SPRR5: variants seen among roughly 807,000 people sequenced by gnomAD.
SPRR5 encodes small proline rich protein 5, also known as small proline-rich protein 5.
chr1:152,947,760 C>T (rs1439738541), intron 1 of SPRR5, among the ~76,000 whole-genome samples: 1 of 152,126 alleles, frequency 6.6e-6, no homozygotes, highest in Non-Finnish European at 1.5e-5. Context: ...CCATCTATGC[C>T]GAGTGGCTTT....
At chr1:152,948,377 TGC>T (rs1356494917) in intron 1 of SPRR5, among the ~76,000 whole-genome samples, 158 bp from the exon 2 acceptor site, 5 of 138,566 alleles carry the variant, frequency 3.6e-5, no homozygotes, top group Non-Finnish European at 4.4e-5. Context: ...AGTTTACACA[TGC>T]GCGCGCGCAC....
chr1:152,947,663 A>G (rs1557874375), intron 1 of SPRR5, among the ~76,000 whole-genome samples: 2 of 152,140 alleles, frequency 1.3e-5, no homozygotes, highest in African/African-American at 4.8e-5. Flanking sequence ...AGAGTTGTGG[A>G]TGTCCATGGA....
At chr1:152,948,306 C>T (rs917833477) in intron 1 of SPRR5, among the ~76,000 whole-genome samples, 5 of 151,442 alleles carry the variant, frequency 3.3e-5, no homozygotes, top group Admixed American at 6.6e-5. Flanking sequence ...CCTTTCCTAT[C>T]TTTCCTTCCT....
intron 1 of SPRR5, among the ~76,000 whole-genome samples, 153 bp from the exon 2 acceptor site, chr1:152,948,384 G>GCACACACACACACACACA (rs1352245363): frequency 8.6e-5 from 12 of 139,302 alleles, no homozygotes; most frequent in African/African-American, 3.3e-4. Context: ...ACATGCGCGC[G>GCACACACACACACACACA]CGCACACACA....
intron 1 of SPRR5, among the ~76,000 whole-genome samples, chr1:152,948,002 G>A (rs572684430): frequency 1.4e-4 from 22 of 152,220 alleles, no homozygotes; most frequent in Middle Eastern, 3.4e-3. Context: ...ACATACCTAC[G>A]TATGCATGCA....
chr1:152,948,231 T>C (rs73008585), intron 1 of SPRR5, among the ~76,000 whole-genome samples: 1,998 of 152,192 alleles, frequency 0.013, 44 homozygotes, highest in African/African-American at 0.045. Context: ...CTCTCTCCCT[T>C]TTCTTTTTTT....
In SPRR5 at chr1:152,948,886, T is replaced by C. The variant is rs1570933255; in HGVS notation, c.*5T>C. ...CAGACGTCCAAGCAGAAGTAAGCCC[T>C]GGGCATGTGATCAGAGGCGAACCCC... On this transcript the variant is annotated 3_prime_UTR_variant, in exon 2 of 2. Coordinates refer to ENST00000636302, the Ensembl canonical transcript of SPRR5. 8 of 188,414 alleles carry C rather than the reference T, an allele frequency of 4.2e-5. 1 individual carries two copies. In the East Asian group the frequency reaches 8.5e-4, roughly 20 times the overall value. 11.7% of individuals were successfully genotyped at this position (188,414 alleles called of 1,614,324 possible). A position where few individuals can be genotyped will look rare whatever the true frequency, so the allele number is the denominator to read the frequency against.
chr1:152,948,831 GCCC>G (rs1433745115), exon 2 of SPRR5: 5 of 229,726 alleles, frequency 2.2e-5, no homozygotes, highest in Non-Finnish European at 3.9e-5. Flanking sequence ...GGAGCCCTGT[GCCC>G]CCAAGTGCCC....
At chr1:152,948,378 G>A (rs1358103766) in intron 1 of SPRR5, among the ~76,000 whole-genome samples, 159 bp from the exon 2 acceptor site, 1 of 137,240 alleles carries the variant, frequency 7.3e-6, no homozygotes, top group Non-Finnish European at 1.5e-5. Context: ...GTTTACACAT[G>A]CGCGCGCGCA....
intron 1 of SPRR5, among the ~76,000 whole-genome samples, chr1:152,948,187 A>G (rs71626740): frequency 0.052 from 7,981 of 152,134 alleles, 300 homozygotes; most frequent in Middle Eastern, 0.11. Flanking sequence ...AGGATACAAC[A>G]GTCTGCTCTT....
At chr1:152,948,306 CT>C (rs1557874557) in intron 1 of SPRR5, among the ~76,000 whole-genome samples, 1 of 151,326 alleles carries the variant, frequency 6.6e-6, no homozygotes, top group Non-Finnish European at 1.5e-5. Context: ...CCTTTCCTAT[CT>C]TTCCTTCCTT....
intron 1 of SPRR5, among the ~76,000 whole-genome samples, chr1:152,947,581 C>A (rs556723306): frequency 1.8e-4 from 27 of 152,148 alleles, no homozygotes; most frequent in African/African-American, 5.8e-4. Flanking sequence ...CTGGGCAGAG[C>A]AACTGGAAGG....
intron 1 of SPRR5, 21 bp from the exon 2 acceptor site, chr1:152,948,516 T>A: frequency 3.2e-6 from 1 of 314,094 alleles, no homozygotes; most frequent in Non-Finnish European, 5.9e-6. Context: ...GTTCCTCATT[T>A]CTGTGTCTTT....
chr1:152,948,931 A>C (rs1451193974), exon 2 of SPRR5: 1 of 203,608 alleles, frequency 4.9e-6, no homozygotes, highest in Non-Finnish European at 1.0e-5. Flanking sequence ...CAGAGCATGA[A>C]GTTCCTTCTG....
At chr1:152,947,551 T>C (rs1301742423) in intron 1 of SPRR5, among the ~76,000 whole-genome samples, 1 of 151,900 alleles carries the variant, frequency 6.6e-6, no homozygotes, top group Admixed American at 6.6e-5. Context: ...AGGGAATTAG[T>C]AGGAGAGGAG....
Position 152,947,689 on chromosome 1 carries a change from G to A in SPRR5, c.-19+441G>A, listed in dbSNP as rs145910849. Among the ~76,000 whole-genome samples, 164 of 152,280 alleles carry A rather than the reference G, an allele frequency of 1.1e-3. 1 individual carries two copies. The East Asian group carries it at 0.031, about 29-fold the overall frequency. ...TGTCCATGGAGCAAAGGGCTGCAGG[G>A]ACAAGACGATGTGGCACCATGGAAG... On this transcript the variant is annotated intron_variant, in intron 1 of 1. Transcript: ENST00000636302.
chr1:152,948,885 C>T, exon 2 of SPRR5: 1 of 231,704 alleles, frequency 4.3e-6, no homozygotes, highest in Non-Finnish European at 8.4e-6. Flanking sequence ...GAAGTAAGCC[C>T]TGGGCATGTG....
chr1:152,947,692 A>G (rs1174752778), intron 1 of SPRR5, among the ~76,000 whole-genome samples: 1 of 152,186 alleles, frequency 6.6e-6, no homozygotes, highest in African/African-American at 2.4e-5. Context: ...CTGCAGGGAC[A>G]AGACGATGTG....
chr1:152,949,248 C>G (rs1200603392), exon 2 of SPRR5: 2 of 151,588 alleles, frequency 1.3e-5, no homozygotes, highest in Admixed American at 1.3e-4. Context: ...AACAGAATTC[C>G]TCTGGCATGA....
Sources: gnomAD v4.1 joint callset for allele counts (sites outside exome capture counted in the v4.1 genomes callset) on GRCh38, gnomAD v4.1.1 for gene constraint, MANE v1.5 for transcripts, NCBI Gene and HGNC (gene_info 2026-07-23, HGNC 2026-07-21) for gene names.